Variants in CDH4 observed in about 807,000 individuals in gnomAD.
CDH4 encodes the protein cadherin-4.
CDH4 carries 33 observed loss-of-function variants against 86.0 expected under a neutral mutation model. The ratio of observed to expected loss-of-function variants is 0.38; its 90% CI spans 0.29 to 0.51. CDH4 has a LOEUF of 0.51. CDH4 is among the 20% of genes least tolerant of loss of function. CDH4 has a pLI of 0.86. For missense variants in CDH4, 1,114 were observed against 1,307.4 expected, an observed-to-expected ratio of 0.85 and a Z score of 2.28; for synonymous variants, 555 against 549.4, an observed-to-expected ratio of 1.01 and a Z score of -0.14.
chr20:61,927,494 G>A lies in CDH4; in HGVS notation c.1772-696G>A, dbSNP rs537885497. Among the ~76,000 whole-genome samples, 12 of 152,300 alleles carry A rather than the reference G, an allele frequency of 7.9e-5. No homozygotes were observed. In the East Asian group the frequency reaches 1.4e-3, roughly 17 times the overall value. ...GCTTCCATCAAAGCTCATCTGGAGC[G>A]GCCGCGCCTGCTTTTCTCACAGACA... On this transcript the variant is annotated intron_variant, in intron 11 of 15. Coordinates refer to ENST00000614565, the MANE Select transcript of CDH4 (RefSeq NM_001794.5).
chr20:61,314,426 G>A (rs1005647716), intron 2 of CDH4, among the ~76,000 whole-genome samples: 2 of 152,182 alleles, frequency 1.3e-5, no homozygotes, highest in African/African-American at 4.8e-5. Flanking sequence ...TTTCATCCAT[G>A]TTGTTGAAAT....
chr20:61,411,413 A>G (rs2252268), intron 2 of CDH4, among the ~76,000 whole-genome samples: 91,655 of 149,908 alleles, frequency 0.61, 33,020 homozygotes, highest in East Asian at 1. Flanking sequence ...TGATGTAAAG[A>G]CTGTGCCTAG....
chr20:61,483,144 G>C (rs548901809), intron 2 of CDH4, among the ~76,000 whole-genome samples: 1 of 152,346 alleles, frequency 6.6e-6, no homozygotes, highest in African/African-American at 2.4e-5. Context: ...AGTCCAGGTA[G>C]ATAGGAACAC....
chr20:61,307,076 C>T (rs184955796), intron 2 of CDH4, among the ~76,000 whole-genome samples: 37 of 152,076 alleles, frequency 2.4e-4, no homozygotes, highest in African/African-American at 8.7e-4. Context: ...AAGTCCACTC[C>T]GAGAGACAGA....
At chr20:61,758,137 G>A (rs1282951665) in intron 3 of CDH4, among the ~76,000 whole-genome samples, 1 of 152,220 alleles carries the variant, frequency 6.6e-6, no homozygotes. Flanking sequence ...AGTCAGGTGA[G>A]GGGTACCAAG....
At chr20:61,303,424 G>C (rs191979282) in intron 2 of CDH4, among the ~76,000 whole-genome samples, 1 of 151,572 alleles carries the variant, frequency 6.6e-6, no homozygotes, top group East Asian at 2.0e-4. Context: ...AGGCACAGCC[G>C]TATCCACGCC....
rs1979284499 is a variant in CDH4 at position 61,792,956 on chromosome 20, T to TG, written c.576+19774_576+19775insG. On this transcript the variant is annotated intron_variant, in intron 4 of 15. Coordinates refer to ENST00000614565, the MANE Select transcript of CDH4 (RefSeq NM_001794.5). ...GAGCCACCGTGCCTGGCCTATGTGT[T>TG]TTTTTTGTTTTTGTTTTTGTTTTTG... Among the ~76,000 whole-genome samples, 4 of 145,002 alleles carry TG rather than the reference T, an allele frequency of 2.8e-5. No homozygotes were observed. The South Asian group carries it at 9.0e-4, about 33-fold the overall frequency.
intron 2 of CDH4, among the ~76,000 whole-genome samples, chr20:61,424,345 C>T (rs2085199252): frequency 6.6e-6 from 1 of 151,230 alleles, no homozygotes; most frequent in Non-Finnish European, 1.5e-5. Context: ...TATCCAAACA[C>T]ACTCATATCC....
chr20:61,661,019 T>C (rs1341497034), intron 2 of CDH4, among the ~76,000 whole-genome samples: 1 of 146,968 alleles, frequency 6.8e-6, no homozygotes, highest in Non-Finnish European at 1.5e-5. Flanking sequence ...TTCTAGTGGC[T>C]TTAACAGGAT....
At position 61,786,917 on chromosome 20, in the gene CDH4, T is replaced by G. The variant is rs368244582; in HGVS notation, c.576+13735T>G. ...CAGGGCCACTGTAGAGTGCAGCTGT[T>G]CTGAGGACAAGTTTAAGGGTGAAGG... On this transcript the variant is annotated intron_variant, in intron 4 of 15. Transcript: ENST00000614565. 1.0e-3 allele frequency among the ~76,000 whole-genome samples: 155 copies of G among 152,328 alleles called. 6 individuals carry two copies. In the South Asian group the frequency reaches 0.029, roughly 29 times the overall value.
chr20:61,296,331 G>A (rs1238979269), intron 2 of CDH4, among the ~76,000 whole-genome samples: 1 of 151,538 alleles, frequency 6.6e-6, no homozygotes, highest in Non-Finnish European at 1.5e-5. Flanking sequence ...GTGCGTGTGT[G>A]TGTGTGTGTG....
At chr20:61,803,263 T>C (rs4925292) in intron 4 of CDH4, among the ~76,000 whole-genome samples, 108,259 of 152,014 alleles carry the variant, frequency 0.71, 39,548 homozygotes, top group African/African-American at 0.89. Flanking sequence ...CTCGGCACAA[T>C]CCGCCCGGGC....
chr20:61,352,825 T>A (rs67352539), intron 2 of CDH4, among the ~76,000 whole-genome samples: 20,123 of 152,118 alleles, frequency 0.13, 1,731 homozygotes, highest in East Asian at 0.32. Flanking sequence ...TTCGGAGTTC[T>A]TCATCCGGCA....
chr20:61,559,715 C>T (rs2086202819), intron 2 of CDH4, among the ~76,000 whole-genome samples: 4 of 151,844 alleles, frequency 2.6e-5, no homozygotes, highest in Non-Finnish European at 5.9e-5. Flanking sequence ...GACAGGGTCT[C>T]ACCATGTTGA....
Position 61,658,367 on chromosome 20 carries a change from A to G in CDH4, c.170-85196A>G, listed in dbSNP as rs1239818785. Among the ~76,000 whole-genome samples the G allele has an allele frequency of 2.6e-5, 4 of 152,140 alleles. No individual in the cohort carries two copies. The East Asian group carries it at 5.8e-4, about 22-fold the overall frequency. Reference sequence around the variant, plus strand: ...TCCCCTCCGAGTTCCAGATCTCTCTATTAGAGAGGGCTCCATCGCAGCTGC... The same window carrying G: ...TCCCCTCCGAGTTCCAGATCTCTCTGTTAGAGAGGGCTCCATCGCAGCTGC... On this transcript the variant is annotated intron_variant, in intron 2 of 15. Transcript: ENST00000614565.
At chr20:61,922,070 C>T (rs1281697761) in intron 9 of CDH4, among the ~76,000 whole-genome samples, 3 of 152,216 alleles carry the variant, frequency 2.0e-5, no homozygotes, top group South Asian at 4.1e-4. Context: ...GCAAGTGTCT[C>T]CCCATGCAGA....
At chr20:61,565,168 TGG>T (rs1568688208) in intron 2 of CDH4, among the ~76,000 whole-genome samples, 4 of 111,502 alleles carry the variant, frequency 3.6e-5, no homozygotes, top group Non-Finnish European at 7.5e-5. Flanking sequence ...CTCTTGGTGA[TGG>T]GGTGGTGGTG....
At chr20:61,259,075 G>T (rs1425765917) in intron 2 of CDH4, among the ~76,000 whole-genome samples, 1 of 152,222 alleles carries the variant, frequency 6.6e-6, no homozygotes, top group Non-Finnish European at 1.5e-5. Flanking sequence ...GTTTTAGGAA[G>T]GAAGAAGGAG....
At chr20:61,872,649 A>G (rs6089535) in intron 6 of CDH4, among the ~76,000 whole-genome samples, 96,895 of 152,130 alleles carry the variant, frequency 0.64, 31,366 homozygotes, top group African/African-American at 0.72. Context: ...GAGCTTCCAG[A>G]GTTCTGGGGC....
Sources: allele counts gnomAD v4.1 joint callset (sites outside exome capture counted in the v4.1 genomes callset), GRCh38; gene constraint gnomAD v4.1.1; transcripts MANE v1.5; gene names NCBI Gene and HGNC (gene_info 2026-07-23, HGNC 2026-07-21).